The following PTK2B variants were observed in gnomAD, a reference collection of about 807,000 sequenced individuals.
PTK2B encodes the protein protein tyrosine kinase 2 beta, also known as protein-tyrosine kinase 2-beta.
Under a neutral mutation model 142.9 loss-of-function variants are expected in PTK2B, and 71 were observed. The observed-to-expected ratio is 0.50, with a 90% confidence interval of 0.41 to 0.61. The LOEUF (loss-of-function observed/expected upper bound fraction) is 0.61. Among genes scored for constraint, PTK2B ranks in the 20% least tolerant of loss-of-function variants. The pLI, the probability that PTK2B is intolerant of heterozygous loss-of-function variation, is 0.00. For missense variants in PTK2B, 1,105 were observed against 1,320.4 expected, an observed-to-expected ratio of 0.84 and a Z score of 2.53; for synonymous variants, 519 against 503.4, an observed-to-expected ratio of 1.03 and a Z score of -0.42.
intron 13 of PTK2B, 45 bp downstream of exon 13, chr8:27,434,604 T>C: frequency 6.4e-7 from 1 of 1,573,114 alleles, no homozygotes; most frequent in Non-Finnish European, 8.6e-7. Flanking sequence ...TTGCCTCCCG[T>C]CTGCTTGCTC....
chr8:27,427,051 T>C (rs1028911194), intron 5 of PTK2B, among the ~76,000 whole-genome samples: 1 of 152,226 alleles, frequency 6.6e-6, no homozygotes, highest in Non-Finnish European at 1.5e-5. Flanking sequence ...CCGTCGTGGC[T>C]GGGAAGCAGA....
intron 1 of PTK2B, among the ~76,000 whole-genome samples, chr8:27,341,865 G>T (rs1187261973): frequency 6.6e-6 from 1 of 151,986 alleles, no homozygotes; most frequent in Non-Finnish European, 1.5e-5. Flanking sequence ...TTGTAGAGAT[G>T]GAGTCTTGCT....
At chr8:27,359,484 C>T (rs906764709) in intron 1 of PTK2B, among the ~76,000 whole-genome samples, 9 of 152,268 alleles carry the variant, frequency 5.9e-5, no homozygotes, top group Middle Eastern at 3.4e-3. Flanking sequence ...TAATCTATAA[C>T]GTGCATCTGC....
chr8:27,427,445 T>C (rs1412557712), intron 5 of PTK2B, among the ~76,000 whole-genome samples: 1 of 152,228 alleles, frequency 6.6e-6, no homozygotes, highest in Non-Finnish European at 1.5e-5. Context: ...GTGCTGCCTT[T>C]GCCTGGCACA....
chr8:27,332,120 A>G (rs935217268), intron 1 of PTK2B, among the ~76,000 whole-genome samples: 19 of 152,232 alleles, frequency 1.2e-4, no homozygotes, highest in South Asian at 2.1e-4. Flanking sequence ...TTTGAATCCC[A>G]GCCCCTAGCT....
chr8:27,436,012 C>T (rs568731269), intron 14 of PTK2B, among the ~76,000 whole-genome samples: 46 of 152,152 alleles, frequency 3.0e-4, no homozygotes, highest in African/African-American at 1.0e-3. Context: ...TGGAGCTGTG[C>T]GGGGATTCTA....
Position 27,454,523 on chromosome 8 carries a change from C to T in PTK2B, c.2734-8C>T, listed in dbSNP as rs10093964. 0.41 allele frequency: 664,700 copies of T among 1,612,216 alleles called. 141,319 individuals are homozygous for T. Among genetic ancestry groups the T allele is most frequent in the African/African-American group, 0.61 (45,345 of 74,940 alleles). On this transcript the variant is annotated splice_region_variant and splice_polypyrimidine_tract_variant and intron_variant, in intron 29 of 30. Coordinates refer to ENST00000346049, the MANE Select transcript of PTK2B (RefSeq NM_173176.3). ...AGTGGCGGCCATCCTGCCCCTTTCTCCCCCCAGAATGTGGGGCTGACCCTG... is the reference window on the plus strand; with the variant it reads ...AGTGGCGGCCATCCTGCCCCTTTCTTCCCCCAGAATGTGGGGCTGACCCTG...
chr8:27,445,327 T>C (rs4733062), intron 23 of PTK2B, among the ~76,000 whole-genome samples: 130,384 of 152,244 alleles, frequency 0.86, 56,233 homozygotes, highest in Middle Eastern at 0.94. Context: ...GCAAGAGGAT[T>C]ACTTGAGGCC....
intron 30 of PTK2B, among the ~76,000 whole-genome samples, chr8:27,457,137 C>G (rs1257411815): frequency 2.6e-5 from 4 of 152,216 alleles, no homozygotes; most frequent in African/African-American, 9.6e-5. Flanking sequence ...CTATTGGAAG[C>G]AGATGCCATC....
intron 1 of PTK2B, among the ~76,000 whole-genome samples, chr8:27,343,146 C>T (rs189931221): frequency 2.2e-4 from 33 of 152,312 alleles, no homozygotes; most frequent in Non-Finnish European, 3.2e-4. Context: ...AACAAATATG[C>T]GGGCTTTGAC....
At chr8:27,375,166 G>A (rs2130993575) in intron 1 of PTK2B, among the ~76,000 whole-genome samples, 1 of 152,318 alleles carries the variant, frequency 6.6e-6, no homozygotes, top group Non-Finnish European at 1.5e-5. Context: ...GAGGACATGG[G>A]CTCAGGAGTG....
At chr8:27,445,246 T>A (rs1428459860) in intron 23 of PTK2B, among the ~76,000 whole-genome samples, 1 of 152,016 alleles carries the variant, frequency 6.6e-6, no homozygotes, top group African/African-American at 2.4e-5. Flanking sequence ...TATACTTATT[T>A]TTTAATTAAA....
chr8:27,453,188 A>G (rs1811929200), intron 28 of PTK2B, 28 bp downstream of exon 28: 3 of 1,613,532 alleles, frequency 1.9e-6, no homozygotes, highest in South Asian at 1.1e-5. Flanking sequence ...TGAAACTGAT[A>G]AATGAGAGTG....
intron 1 of PTK2B, among the ~76,000 whole-genome samples, chr8:27,348,862 C>T (rs1460237311): frequency 1.3e-5 from 2 of 152,118 alleles, no homozygotes; most frequent in Non-Finnish European, 2.9e-5. Context: ...AGCCACATCC[C>T]CCTGCATCCC....
chr8:27,429,727 C>T (rs537712655), intron 5 of PTK2B, among the ~76,000 whole-genome samples: 2 of 152,170 alleles, frequency 1.3e-5, no homozygotes, highest in East Asian at 3.9e-4. Flanking sequence ...ATCACAAGAG[C>T]CCCCCAGGAC....
chr8:27,441,225 C>T (rs1031669399), intron 21 of PTK2B, among the ~76,000 whole-genome samples: 8 of 152,092 alleles, frequency 5.3e-5, no homozygotes, highest in African/African-American at 1.9e-4. Flanking sequence ...CAGTGAAACA[C>T]CATTTTGGAT....
chr8:27,402,190 GA>G (rs1162749990), intron 2 of PTK2B, among the ~76,000 whole-genome samples: 7 of 152,078 alleles, frequency 4.6e-5, no homozygotes, highest in Non-Finnish European at 1.0e-4. Flanking sequence ...ATAATCCATA[GA>G]ATTGAGGAGA....
intron 1 of PTK2B, among the ~76,000 whole-genome samples, chr8:27,334,382 C>A (rs1803933166): frequency 1.3e-5 from 2 of 152,160 alleles, no homozygotes; most frequent in African/African-American, 4.8e-5. Flanking sequence ...TCCCCAGTCT[C>A]TGGCAAGCCT....
chr8:27,397,413 G>A, intron 1 of PTK2B, 135 bp from the exon 2 acceptor site: 1 of 683,128 alleles, frequency 1.5e-6, no homozygotes. Flanking sequence ...GTGCCTTGCA[G>A]GGGAGCTTTT....
Sources: allele counts gnomAD v4.1 joint callset (sites outside exome capture counted in the v4.1 genomes callset), GRCh38; gene constraint gnomAD v4.1.1; transcripts MANE v1.5; gene names NCBI Gene and HGNC (gene_info 2026-07-23, HGNC 2026-07-21).